The following SPAST variants were observed in gnomAD, a reference collection of about 807,000 sequenced individuals.
SPAST encodes spastin.
SPAST carries 30 observed loss-of-function variants against 76.6 expected under a neutral mutation model. That is an observed-to-expected ratio of 0.39 (90% CI 0.29 to 0.53). The LOEUF (loss-of-function observed/expected upper bound fraction) is 0.53, where lower values mean the gene tolerates loss of function less well. Ranked by LOEUF, SPAST falls within the 20% of genes least tolerant of loss-of-function variation. SPAST has a pLI of 0.68. For missense variants in SPAST, 717 were observed against 770.5 expected (o/e 0.93, Z 0.82); for synonymous variants, 305 against 281.0 (o/e 1.09, Z -0.86).
chr2:32,069,567 T>A (rs1676664854), intron 1 of SPAST, among the ~76,000 whole-genome samples: 1 of 151,272 alleles, frequency 6.6e-6, no homozygotes, highest in South Asian at 2.1e-4. Context: ...TTTTTTTTTT[T>A]CTTTTTTGAG....
intron 3 of SPAST, among the ~76,000 whole-genome samples, chr2:32,092,248 T>G (rs987384839): frequency 3.9e-5 from 6 of 152,232 alleles, no homozygotes; most frequent in African/African-American, 1.4e-4. Flanking sequence ...GCCTTCTTCC[T>G]TTCTAAATGG....
intron 3 of SPAST, among the ~76,000 whole-genome samples, chr2:32,090,027 G>A (rs894249121): frequency 7.9e-5 from 12 of 152,244 alleles, no homozygotes; most frequent in African/African-American, 2.7e-4. Flanking sequence ...GCCTCCCGAA[G>A]TGCTGGAGTT....
At chr2:32,095,074 C>G (rs751645709) in intron 3 of SPAST, among the ~76,000 whole-genome samples, 1 of 152,120 alleles carries the variant, frequency 6.6e-6, no homozygotes, top group Admixed American at 6.5e-5. Flanking sequence ...AAGGGTAGAA[C>G]CAGGGAGAGC....
intron 1 of SPAST, among the ~76,000 whole-genome samples, chr2:32,066,449 C>T (rs1314031394): frequency 6.6e-6 from 1 of 151,796 alleles, no homozygotes; most frequent in Non-Finnish European, 1.5e-5. Context: ...GCGGGTGGAT[C>T]ATGAGGTCAA....
intron 4 of SPAST, among the ~76,000 whole-genome samples, chr2:32,102,813 A>G (rs559812261): frequency 6.6e-6 from 1 of 152,320 alleles, no homozygotes; most frequent in African/African-American, 2.4e-5. Flanking sequence ...CATCCCAGGG[A>G]TGAAGCCAAC....
rs761956992 is a variant in SPAST, at chr2:32,064,096, G to C, written c.265G>C (p.Ala89Pro). 3 of 1,609,270 alleles carry C rather than the reference G, an allele frequency of 1.9e-6. No homozygotes were observed. The highest frequency in any genetic ancestry group is 2.5e-6 in the Non-Finnish European group (3 of 1,178,228). The change falls in exon 1 of 17, where the codon GCC (alanine) becomes CCC (proline). Residue 89 changes from alanine (A) to proline (P), a missense_variant. Physicochemically the swap from Ala to Pro is conservative, Grantham distance 27. This residue lies in a region of SPAST where 543 missense variants were observed against 445.2 expected (regional missense o/e 1.22). Transcript: ENST00000315285. ...CQRFSRALMA[A>P]KRSSGAAPAP... is the part of the protein sequence containing the mutation. ...GCGCTTCTCCCGCGCCCTCATGGCA[G>C]CCAAGAGGAGCTCCGGGGCCGCGCC...
At chr2:32,115,898 CAT>C in intron 6 of SPAST, 63 bp downstream of exon 6, 2 of 1,325,796 alleles carry the variant, frequency 1.5e-6, no homozygotes, top group African/African-American at 1.5e-5. Flanking sequence ...ACTTATAAAA[CAT>C]GTCAGGAGTG....
intron 4 of SPAST, among the ~76,000 whole-genome samples, chr2:32,103,560 G>A (rs1221980378): frequency 1.3e-5 from 2 of 152,070 alleles, no homozygotes; most frequent in African/African-American, 4.8e-5. Context: ...GGTGATGTTA[G>A]GGTGTCAATT....
intron 4 of SPAST, among the ~76,000 whole-genome samples, chr2:32,099,138 T>C (rs1678026665): frequency 6.6e-6 from 1 of 152,246 alleles, no homozygotes; most frequent in Non-Finnish European, 1.5e-5. Flanking sequence ...TTATAAAATA[T>C]GAAGGTATAC....
chr2:32,078,347 A>G (rs1677059002), intron 1 of SPAST, among the ~76,000 whole-genome samples: 1 of 151,898 alleles, frequency 6.6e-6, no homozygotes, highest in African/African-American at 2.4e-5. Context: ...TAATTTTTGT[A>G]TTTTTTGGTA....
chr2:32,083,894 T>G (rs1479686858), intron 1 of SPAST, among the ~76,000 whole-genome samples: 1 of 149,818 alleles, frequency 6.7e-6, no homozygotes, highest in Non-Finnish European at 1.5e-5. Context: ...TTCTCCTGCC[T>G]CAGCTTCCTG....
intron 12 of SPAST, 85 bp from the exon 13 acceptor site, chr2:32,141,819 T>C (rs1679728947): frequency 9.3e-7 from 1 of 1,075,610 alleles, no homozygotes; most frequent in Non-Finnish European, 1.4e-6. Flanking sequence ...TTGAATATTA[T>C]ATTTTAAAAG....
chr2:32,131,082 T>C (rs1036069288), intron 9 of SPAST, among the ~76,000 whole-genome samples: 23 of 152,328 alleles, frequency 1.5e-4, no homozygotes, highest in African/African-American at 5.1e-4. Context: ...ATAGCCTTGG[T>C]GTTGGACCCA....
Position 32,116,185 on chromosome 2 carries a change from T to G in SPAST, c.1071T>G (p.Ile357Met), listed in dbSNP as rs1678827260. Reference protein sequence around the residue: ...QDLAKQALQEIVILPSLRPEL... With the variant: ...QDLAKQALQEMVILPSLRPEL... ...TGGCAAAACAAGCATTGCAAGAAATTGTTATTCTTCCTTCTCTGAGGCCTG... is the reference window on the plus strand; with the variant it reads ...TGGCAAAACAAGCATTGCAAGAAATGGTTATTCTTCCTTCTCTGAGGCCTG... The change falls in exon 7 of 17, where the codon ATT becomes ATG. Residue 357 changes from isoleucine (I) to methionine (M), a missense_variant. This residue lies in a region of SPAST where 78 missense variants were observed against 197.6 expected (regional missense o/e 0.39). Transcript: ENST00000315285. The G allele has an allele frequency of 6.2e-7, 1 of 1,613,052 alleles. No individual in the cohort carries two copies. Among genetic ancestry groups the G allele is most frequent in the Non-Finnish European group, 8.5e-7 (1 of 1,179,324 alleles).
intron 1 of SPAST, among the ~76,000 whole-genome samples, chr2:32,077,120 C>A (rs1201207928): frequency 6.6e-6 from 1 of 152,112 alleles, no homozygotes; most frequent in East Asian, 1.9e-4. Flanking sequence ...ATGATCCACA[C>A]ACCTTGGCCT....
At chr2:32,071,681 C>T (rs989216556) in intron 1 of SPAST, among the ~76,000 whole-genome samples, 3 of 152,094 alleles carry the variant, frequency 2.0e-5, no homozygotes, top group African/African-American at 4.8e-5. Context: ...GCTTCCAGGT[C>T]GTAGGCAGAT....
At chr2:32,071,410 T>C (rs775880428) in intron 1 of SPAST, among the ~76,000 whole-genome samples, 3 of 152,226 alleles carry the variant, frequency 2.0e-5, no homozygotes, top group Non-Finnish European at 2.9e-5. Context: ...AAGCTGTGTA[T>C]ATGTGCATGT....
chr2:32,093,095 A>T (rs1677785055), intron 3 of SPAST, among the ~76,000 whole-genome samples: 1 of 151,322 alleles, frequency 6.6e-6, no homozygotes, highest in Admixed American at 6.6e-5. Flanking sequence ...TGAGGTCAGG[A>T]GTTCGAGACC....
chr2:32,133,102 C>T (rs181763179), intron 9 of SPAST, among the ~76,000 whole-genome samples: 1 of 151,698 alleles, frequency 6.6e-6, no homozygotes, highest in African/African-American at 2.4e-5. Flanking sequence ...GTCTCATGAT[C>T]TATCCTGAGA....
Sources: gnomAD v4.1 joint callset for allele counts (sites outside exome capture counted in the v4.1 genomes callset) on GRCh38, gnomAD v4.1.1 for gene constraint, gnomAD v4.1.1 regional missense constraint, MANE v1.5 for transcripts, NCBI Gene and HGNC (gene_info 2026-07-23, HGNC 2026-07-21) for gene names.